Variants in HTR2C observed in about 807,000 individuals in gnomAD.
HTR2C encodes 5-hydroxytryptamine (serotonin) receptor 2C, G protein-coupled.
Under a neutral mutation model 21.0 loss-of-function variants are expected in HTR2C, and 5 were observed. The observed-to-expected ratio is 0.24, with a 90% CI of 0.12 to 0.50. The LOEUF is 0.50. Among genes scored for constraint, HTR2C ranks in the 20% least tolerant of loss-of-function variants. HTR2C has a pLI of 0.98. For synonymous variants in HTR2C, 150 were observed against 145.3 expected, an observed-to-expected ratio of 1.03 and a Z score of -0.23; for missense variants, 271 against 371.2, an observed-to-expected ratio of 0.73 and a Z score of 2.22.
At chrX:114,704,773 G>A (rs1409887284) in intron 2 of HTR2C, among the ~76,000 whole-genome samples, 6 of 109,401 alleles carry the variant, frequency 5.5e-5, no homozygotes, top group Non-Finnish European at 9.5e-5. Context: ...AATTGTCCCT[G>A]TTTGCAGATG....
chrX:114,889,720 C>G (rs1394575124), intron 5 of HTR2C, among the ~76,000 whole-genome samples: 2 of 111,472 alleles, frequency 1.8e-5, no homozygotes, highest in African/African-American at 3.3e-5. Flanking sequence ...AGGAAATAAG[C>G]CTTTTGTGTT....
rs1388533139 is a variant in HTR2C, at chrX:114,908,785, A to G, written c.*1370A>G. The G allele has an allele frequency of 1.8e-5, 2 of 112,797 alleles. No individual in the cohort carries two copies. The highest frequency in any genetic ancestry group is 6.5e-5 in the African/African-American group (2 of 30,973). 9.3% of individuals were successfully genotyped at this position (112,797 alleles called of 1,213,427 possible). A position where few individuals can be genotyped will look rare whatever the true frequency, so the allele number is the denominator to read the frequency against. ...TCTCTAAGAATTCAGTAGCATTTTAATAGTTTCTAAACCATGAAAAGTTTT... is the reference window on the plus strand; with the variant it reads ...TCTCTAAGAATTCAGTAGCATTTTAGTAGTTTCTAAACCATGAAAAGTTTT... On this transcript the variant is annotated 3_prime_UTR_variant, in exon 6 of 6. Transcript: ENST00000276198.
Position 114,850,331 on chromosome X carries a change from C to A in HTR2C, c.550+2128C>A, listed in dbSNP as rs781925348. On this transcript the variant is annotated intron_variant, in intron 5 of 5. Coordinates refer to ENST00000276198, the MANE Select transcript of HTR2C (RefSeq NM_000868.4). ...GGCTGTGGTGGGAGGATCACTTGAC[C>A]CTCAGAGGTCAAGTCTGCAGTGAGC... 8.1e-5 allele frequency among the ~76,000 whole-genome samples: 9 copies of A among 110,549 alleles called. No homozygotes were observed. In the East Asian group the frequency reaches 2.6e-3, roughly 31 times the overall value.
intron 4 of HTR2C, among the ~76,000 whole-genome samples, chrX:114,756,325 A>G (rs2069813427): frequency 9.0e-6 from 1 of 111,600 alleles, no homozygotes; most frequent in Admixed American, 9.6e-5. Context: ...CTAACATGCA[A>G]TCCAGCAGTT....
chrX:114,772,994 C>G (rs972527215), intron 4 of HTR2C, among the ~76,000 whole-genome samples: 1 of 111,646 alleles, frequency 9.0e-6, no homozygotes, highest in South Asian at 3.7e-4. Flanking sequence ...TTCTTTGAGC[C>G]TCCTTTGATT....
At chrX:114,863,794 T>C (rs1232780102) in intron 5 of HTR2C, among the ~76,000 whole-genome samples, 1 of 112,037 alleles carries the variant, frequency 8.9e-6, no homozygotes, top group Non-Finnish European at 1.9e-5. Flanking sequence ...CATTAATAAT[T>C]TTTGTATGTA....
At chrX:114,863,621 G>A (rs782062388) in intron 5 of HTR2C, among the ~76,000 whole-genome samples, 27 of 111,548 alleles carry the variant, frequency 2.4e-4, no homozygotes, top group African/African-American at 8.1e-4. Flanking sequence ...GCTGTTGGAT[G>A]TAAAGTTCTG....
intron 2 of HTR2C, among the ~76,000 whole-genome samples, chrX:114,672,070 C>T (rs1380599616): frequency 9.0e-6 from 1 of 111,454 alleles, no homozygotes; most frequent in African/African-American, 3.3e-5. Flanking sequence ...CTGCTAGATA[C>T]AAGCAAATAA....
intron 2 of HTR2C, among the ~76,000 whole-genome samples, chrX:114,722,919 G>T (rs1486952420): frequency 9.1e-6 from 1 of 110,215 alleles, no homozygotes; most frequent in Non-Finnish European, 1.9e-5. Context: ...TGGTTTGCCA[G>T]TATTTTATTG....
chrX:114,890,954 A>G (rs782739342), intron 5 of HTR2C, among the ~76,000 whole-genome samples: 2 of 111,163 alleles, frequency 1.8e-5, no homozygotes, highest in Non-Finnish European at 3.8e-5. Flanking sequence ...CTGGGGCCCA[A>G]ATTATACCTA....
At chrX:114,688,016 A>G (rs966193836) in intron 2 of HTR2C, among the ~76,000 whole-genome samples, 7 of 111,598 alleles carry the variant, frequency 6.3e-5, no homozygotes, top group African/African-American at 2.3e-4. Context: ...AAGACAAAAA[A>G]CAAACCTGGA....
intron 2 of HTR2C, among the ~76,000 whole-genome samples, chrX:114,680,228 G>A (rs1282284782): frequency 2.7e-5 from 3 of 112,228 alleles, no homozygotes; most frequent in African/African-American, 9.7e-5. Context: ...AACATTAGTT[G>A]GTAGGTTAAA....
chrX:114,787,640 A>G, intron 4 of HTR2C, among the ~76,000 whole-genome samples: 1 of 112,192 alleles, frequency 8.9e-6, no homozygotes, highest in East Asian at 2.8e-4. Flanking sequence ...AAAGACATCA[A>G]AACTAAATTA....
chrX:114,783,853 T>C (rs782174332), intron 4 of HTR2C, among the ~76,000 whole-genome samples: 2 of 111,458 alleles, frequency 1.8e-5, no homozygotes, highest in Non-Finnish European at 3.8e-5. Flanking sequence ...AAAAATCATA[T>C]TGAAAATTAG....
At chrX:114,885,787 T>C (rs1273702023) in intron 5 of HTR2C, among the ~76,000 whole-genome samples, 1 of 111,405 alleles carries the variant, frequency 9.0e-6, no homozygotes, top group Non-Finnish European at 1.9e-5. Context: ...GCAAGAAAAA[T>C]AAATTTTATG....
At chrX:114,804,527 A>G (rs1271177448) in intron 4 of HTR2C, among the ~76,000 whole-genome samples, 1 of 112,049 alleles carries the variant, frequency 8.9e-6, no homozygotes, top group Non-Finnish European at 1.9e-5. Flanking sequence ...CTTCAGCTTT[A>G]GTATATGGAT....
At chrX:114,864,025 T>C (rs1209144259) in intron 5 of HTR2C, among the ~76,000 whole-genome samples, 4 of 108,561 alleles carry the variant, frequency 3.7e-5, no homozygotes, top group Admixed American at 1.0e-4. Context: ...TGTGTATGTC[T>C]TTAAAGCATA....
intron 4 of HTR2C, among the ~76,000 whole-genome samples, chrX:114,767,275 A>AAATTATC (rs2069956169): frequency 9.0e-6 from 1 of 111,041 alleles, no homozygotes; most frequent in Non-Finnish European, 1.9e-5. Context: ...TAGAGTATAC[A>AAATTATC]TGGGATAATT....
intron 4 of HTR2C, among the ~76,000 whole-genome samples, chrX:114,774,663 T>TTGCA (rs2147393535): frequency 8.9e-6 from 1 of 112,304 alleles, no homozygotes; most frequent in East Asian, 2.8e-4. Flanking sequence ...AAGTGCAATG[T>TTGCA]TATTTCCCTC....
Sources: gnomAD v4.1 joint callset for allele counts (sites outside exome capture counted in the v4.1 genomes callset) on GRCh38, gnomAD v4.1.1 for gene constraint, MANE v1.5 for transcripts, NCBI Gene and HGNC (gene_info 2026-07-23, HGNC 2026-07-21) for gene names.